ITPR2: variants seen among roughly 807,000 people sequenced by gnomAD.
ITPR2 encodes inositol 1,4,5-trisphosphate-gated calcium channel ITPR2.
Under a neutral mutation model 317.1 loss-of-function variants are expected in ITPR2, and 207 were observed. The observed-to-expected ratio is 0.65, with a 90% CI of 0.58 to 0.73. The LOEUF is 0.73. Ranked by LOEUF, ITPR2 falls within the 30% of genes least tolerant of loss-of-function variation. ITPR2 has a pLI of 0.00. For synonymous variants in ITPR2, 1,156 were observed against 1,149.1 expected (o/e 1.01, Z -0.12); for missense variants, 2,613 against 3,284.0 (o/e 0.80, Z 4.99).
intron 36 of ITPR2, among the ~76,000 whole-genome samples, chr12:26,552,104 T>C (rs1458585621): frequency 6.6e-6 from 1 of 152,098 alleles, no homozygotes; most frequent in Non-Finnish European, 1.5e-5. Flanking sequence ...TTGTAAATGA[T>C]GACATGTGGG....
intron 55 of ITPR2, among the ~76,000 whole-genome samples, chr12:26,371,703 A>G (rs936523173): frequency 6.6e-6 from 1 of 152,214 alleles, no homozygotes; most frequent in Non-Finnish European, 1.5e-5. Context: ...AGAGGCAGGT[A>G]CGGGGTTGGG....
intron 55 of ITPR2, among the ~76,000 whole-genome samples, chr12:26,375,756 T>A (rs1939319143): frequency 6.6e-6 from 1 of 152,244 alleles, no homozygotes; most frequent in African/African-American, 2.4e-5. Flanking sequence ...CAAATCTTTG[T>A]GATCATTTAA....
At chr12:26,747,872 T>C (rs753307072) in intron 2 of ITPR2, among the ~76,000 whole-genome samples, 1 of 152,204 alleles carries the variant, frequency 6.6e-6, no homozygotes, top group Non-Finnish European at 1.5e-5. Flanking sequence ...CTCCAACAGA[T>C]TTCTATTTGA....
chr12:26,473,112 C>T (rs1434723846), intron 45 of ITPR2, among the ~76,000 whole-genome samples: 2 of 152,154 alleles, frequency 1.3e-5, no homozygotes, highest in East Asian at 3.9e-4. Flanking sequence ...CTCTTGAACT[C>T]CTGACTTCAA....
chr12:26,582,651 CAA>C (rs1478237195), intron 32 of ITPR2, among the ~76,000 whole-genome samples: 1 of 151,986 alleles, frequency 6.6e-6, no homozygotes, highest in African/African-American at 2.4e-5. Flanking sequence ...AAGAATTGTG[CAA>C]AGTTACTGTT....
chr12:26,567,984 ATATATATATATATTATATATAT>A (rs1565609593), intron 34 of ITPR2, among the ~76,000 whole-genome samples: 12 of 10,802 alleles, frequency 1.1e-3, no homozygotes, highest in African/African-American at 2.9e-3. Context: ...TATATTATAT[ATATATATATATATTATATATAT>A]TATATATATA....
In ITPR2 at chr12:26,496,715, G is replaced by A. The variant is rs899286130; in HGVS notation, c.5074-1455C>T. Among the ~76,000 whole-genome samples the A allele has an allele frequency of 7.3e-5, 11 of 151,632 alleles. 1 individual carries two copies. Among genetic ancestry groups the A allele is most frequent in the African/African-American group, 2.4e-4 (10 of 41,262 alleles). On this transcript the variant is annotated intron_variant, in intron 37 of 56. Coordinates refer to ENST00000381340, the MANE Select transcript of ITPR2 (RefSeq NM_002223.4). ...TCCCAGCACTTTGGGAGGCCGAGGCGGGCAGATCACGAGGTCAGGAGATAG... is the reference window on the plus strand; with the variant it reads ...TCCCAGCACTTTGGGAGGCCGAGGCAGGCAGATCACGAGGTCAGGAGATAG...
Position 26,543,109 on chromosome 12 carries a change from G to A in ITPR2, c.5073+7138C>T, listed in dbSNP as rs191019619. 1.2e-3 allele frequency among the ~76,000 whole-genome samples: 182 copies of A among 152,120 alleles called. No homozygotes were observed. In the Middle Eastern group the frequency reaches 0.038, roughly 31 times the overall value. ...ATGTATACTAAAGAGTACAAGATGC[G>A]GGAAATTGACCCCCAAAATCCTTAA... On this transcript the variant is annotated intron_variant, in intron 37 of 56. Transcript: ENST00000381340.
intron 5 of ITPR2, among the ~76,000 whole-genome samples, 163 bp from the exon 6 acceptor site, chr12:26,716,405 A>G (rs1001946805): frequency 1.2e-4 from 18 of 152,130 alleles, no homozygotes; most frequent in African/African-American, 4.3e-4. Flanking sequence ...TTGAGGTAAA[A>G]TATCTTCTAA....
intron 26 of ITPR2, among the ~76,000 whole-genome samples, chr12:26,619,822 C>A (rs1349521932): frequency 1.3e-5 from 2 of 152,194 alleles, no homozygotes; most frequent in East Asian, 1.9e-4. Flanking sequence ...TTAACTGACA[C>A]ACTTACCACG....
At chr12:26,518,917 C>A (rs180913419) in intron 37 of ITPR2, among the ~76,000 whole-genome samples, 2 of 152,046 alleles carry the variant, frequency 1.3e-5, no homozygotes. Flanking sequence ...TTCAACTACA[C>A]GTAAACTTTT....
In ITPR2 at chr12:26,400,208, T is replaced by G. The variant is rs771861723; in HGVS notation, c.7450A>C (p.Met2484Leu). Residue 2484 changes from methionine to leucine, a missense_variant, in exon 53 of 57, where the codon ATG becomes CTG. This residue lies in a region of ITPR2 where 113 missense variants were observed against 129.2 expected (regional missense o/e 0.87). Transcript: ENST00000381340. ...GIERTCDTLL[M>L]CIVTVLNQGL... ...TGGTTCAGCACGGTGACAATGCACA[T>G]AAGGAGAGTGTCACACGTCCTTTCA... is the stretch of plus-strand genomic sequence containing the variant. The G allele has an allele frequency of 1.2e-6, 2 of 1,607,744 alleles. No individual in the cohort carries two copies. The highest frequency in any genetic ancestry group is 2.7e-5 in the African/African-American group (2 of 74,800).
chr12:26,818,638 G>A (rs1950895823), intron 1 of ITPR2, among the ~76,000 whole-genome samples: 1 of 152,010 alleles, frequency 6.6e-6, no homozygotes, highest in African/African-American at 2.4e-5. Context: ...TGACTTAAAA[G>A]GTCACTTAAT....
intron 1 of ITPR2, among the ~76,000 whole-genome samples, chr12:26,791,353 C>T (rs778848544): frequency 1.3e-5 from 2 of 150,498 alleles, no homozygotes; most frequent in Admixed American, 6.6e-5. Context: ...AGGGAGATGC[C>T]CAAATTGCAA....
At chr12:26,350,506 T>C (rs1376147624) in intron 55 of ITPR2, among the ~76,000 whole-genome samples, 1 of 152,122 alleles carries the variant, frequency 6.6e-6, no homozygotes, top group Non-Finnish European at 1.5e-5. Context: ...AGAGCTGTGA[T>C]CTTCAAGACC....
At chr12:26,550,387 C>G in intron 36 of ITPR2, 32 bp from the exon 37 acceptor site, 1 of 904,332 alleles carries the variant, frequency 1.1e-6, no homozygotes, top group Non-Finnish European at 1.8e-6. Context: ...TTTAGAAAGA[C>G]AGTGATTTCT....
chr12:26,487,152 T>C lies in ITPR2; in HGVS notation c.5470A>G (p.Thr1824Ala). 6.2e-7 allele frequency: 1 copy of C among 1,613,438 alleles called. No homozygotes were observed. Among genetic ancestry groups the C allele is most frequent in the Non-Finnish European group, 8.5e-7 (1 of 1,179,526 alleles). The change falls in exon 40 of 57, where the codon ACA becomes GCA. Residue 1824 changes from threonine (T) to alanine (A), a missense_variant. Coordinates refer to ENST00000381340, the MANE Select transcript of ITPR2 (RefSeq NM_002223.4). ...AAATCTATGGTATTAACTGTCACTGTTGATCTTATTTCTTTCTGAGCAGCC... is the reference window on the plus strand; with the variant it reads ...AAATCTATGGTATTAACTGTCACTGCTGATCTTATTTCTTTCTGAGCAGCC... The part of the protein sequence containing the change: ...MKAAQKEIRS[T>A]VTVNTIDLGN...
At chr12:26,560,160 T>C (rs1944774241) in intron 35 of ITPR2, among the ~76,000 whole-genome samples, 1 of 152,298 alleles carries the variant, frequency 6.6e-6, no homozygotes, top group African/African-American at 2.4e-5. Context: ...CTGTGCTGGT[T>C]GGCACTACTA....
rs774885630 is a variant in ITPR2 at position 26,561,823 on chromosome 12, C to T, written c.4760G>A (p.Arg1587His). The T allele has an allele frequency of 2.4e-5, 39 of 1,594,304 alleles. 1 individual carries two copies. The highest frequency in any genetic ancestry group is 4.6e-5 in the East Asian group (2 of 43,348). ...AGGCCCTCCAAGAGCTTCCTTAAAGCGTGGCCCAGAGCGAGCTGATAGTCT... is the reference window on the plus strand; with the variant it reads ...AGGCCCTCCAAGAGCTTCCTTAAAGTGTGGCCCAGAGCGAGCTGATAGTCT... Reference protein sequence around the residue: ...GWRLSARSGPRFKEALGGPAW... With the variant: ...GWRLSARSGPHFKEALGGPAW... Residue 1587 changes from arginine (R) to histidine (H), a missense_variant, in exon 35 of 57, where the codon CGC (arginine) becomes CAC (histidine). This residue lies in a region of ITPR2 where 926 missense variants were observed against 1,072.8 expected (regional missense o/e 0.86). Transcript: ENST00000381340.
Sources: gnomAD v4.1 joint callset for allele counts (sites outside exome capture counted in the v4.1 genomes callset) on GRCh38, gnomAD v4.1.1 for gene constraint, gnomAD v4.1.1 regional missense constraint, MANE v1.5 for transcripts, NCBI Gene and HGNC (gene_info 2026-07-23, HGNC 2026-07-21) for gene names.